Variants in MECOM observed in about 807,000 individuals in gnomAD.
MECOM encodes histone-lysine N-methyltransferase MECOM.
A neutral mutation model predicts 116.3 loss-of-function variants in MECOM; 13 were observed. The ratio of observed to expected loss-of-function variants is 0.11; its 90% confidence interval spans 0.07 to 0.18. The LOEUF is 0.18. MECOM is among the 10% of genes least tolerant of loss of function. The probability of loss-of-function intolerance (pLI) is 1.00; values close to 1 mark genes in which losing one functional copy is unlikely to be tolerated. For synonymous variants in MECOM, 528 were observed against 535.2 expected, an observed-to-expected ratio of 0.99 and a Z score of 0.19; for missense variants, 1,299 against 1,509.0, an observed-to-expected ratio of 0.86 and a Z score of 2.31.
At chr3:169,225,774 T>A (rs924545686) in intron 2 of MECOM, among the ~76,000 whole-genome samples, 6 of 152,288 alleles carry the variant, frequency 3.9e-5, no homozygotes, top group African/African-American at 1.4e-4. Context: ...CACGCCTGGA[T>A]AATTTTTGTA....
At chr3:169,463,647 T>C (rs1199890151) in intron 1 of MECOM, among the ~76,000 whole-genome samples, 1 of 152,202 alleles carries the variant, frequency 6.6e-6, no homozygotes, top group African/African-American at 2.4e-5. Context: ...TGTAGCCATA[T>C]GAGAAATTCT....
Position 169,143,749 on chromosome 3 carries a change from G to A in MECOM, c.459C>T (p.Phe153=), listed in dbSNP as rs199656825. ...GGTTGTGCTGATCATAACAGCCAGC[G>A]AATCTAATGTACTTGAGCCAGCTTC... The part of the protein sequence containing the change: ...DVGSWLKYIR[F]AGCYDQHNLV... Residue 153 remains phenylalanine (F), a synonymous_variant, in exon 3 of 17, where the codon TTC becomes TTT. Coordinates refer to ENST00000651503, the MANE Select transcript of MECOM (RefSeq NM_004991.4). The A allele has an allele frequency of 3.0e-5, 49 of 1,611,122 alleles. No homozygotes were observed. The highest frequency in any genetic ancestry group is 4.0e-5 in the African/African-American group (3 of 74,760).
chr3:169,637,569 C>T (rs1772971371), intron 1 of MECOM, among the ~76,000 whole-genome samples: 2 of 152,148 alleles, frequency 1.3e-5, no homozygotes, highest in African/African-American at 4.8e-5. Flanking sequence ...AAAGATCAAC[C>T]AGAAGAACTG....
chr3:169,190,990 A>C (rs1181631688), intron 2 of MECOM, among the ~76,000 whole-genome samples: 1 of 151,998 alleles, frequency 6.6e-6, no homozygotes, highest in East Asian at 1.9e-4. Context: ...ACCCATAGAA[A>C]GGCTGGCATT....
At chr3:169,163,595 A>ATCT (rs1743154365) in intron 2 of MECOM, among the ~76,000 whole-genome samples, 1 of 152,220 alleles carries the variant, frequency 6.6e-6, no homozygotes, top group African/African-American at 2.4e-5. Flanking sequence ...ACTGAACTCA[A>ATCT]TAAGATTGAG....
At chr3:169,354,968 T>C (rs1393175820) in intron 2 of MECOM, among the ~76,000 whole-genome samples, 3 of 151,886 alleles carry the variant, frequency 2.0e-5, no homozygotes, top group Non-Finnish European at 2.9e-5. Context: ...TGCACAACTC[T>C]ATTTTATTGA....
At chr3:169,219,403 A>C (rs1354352029) in intron 2 of MECOM, among the ~76,000 whole-genome samples, 1 of 152,136 alleles carries the variant, frequency 6.6e-6, no homozygotes, top group Non-Finnish European at 1.5e-5. Context: ...GGTACTCGGG[A>C]GGCTGAGGTA....
intron 2 of MECOM, among the ~76,000 whole-genome samples, chr3:169,356,614 A>C (rs1727327229): frequency 6.6e-6 from 1 of 151,808 alleles, no homozygotes; most frequent in African/African-American, 2.4e-5. Flanking sequence ...GAATCACTAA[A>C]CACTTTTGAG....
intron 1 of MECOM, 31 bp from the exon 2 acceptor site, chr3:169,381,555 T>C: frequency 1.3e-6 from 2 of 1,494,434 alleles, no homozygotes; most frequent in Non-Finnish European, 1.8e-6. Flanking sequence ...CATGAATTCC[T>C]TCTGATATTG....
At chr3:169,366,862 G>T (rs1188267037) in intron 2 of MECOM, among the ~76,000 whole-genome samples, 1 of 152,032 alleles carries the variant, frequency 6.6e-6, no homozygotes, top group Admixed American at 6.6e-5. Context: ...CATCTCCCAT[G>T]GGTCTGTGAC....
chr3:169,199,527 C>T (rs1748883190), intron 2 of MECOM, among the ~76,000 whole-genome samples: 1 of 152,044 alleles, frequency 6.6e-6, no homozygotes, highest in Non-Finnish European at 1.5e-5. Flanking sequence ...GATCCTCCTG[C>T]CTAAGCCTCT....
intron 2 of MECOM, among the ~76,000 whole-genome samples, chr3:169,263,063 T>A (rs1757743917): frequency 7.8e-6 from 1 of 128,098 alleles, no homozygotes; most frequent in African/African-American, 2.8e-5. Context: ...ATTTGTTGCC[T>A]TTTTTTCAAG....
chr3:169,158,956 C>T (rs1320810972), intron 2 of MECOM, among the ~76,000 whole-genome samples: 1 of 152,108 alleles, frequency 6.6e-6, no homozygotes, highest in Non-Finnish European at 1.5e-5. Context: ...TCGAATCACC[C>T]GTACCTAGGA....
intron 2 of MECOM, among the ~76,000 whole-genome samples, chr3:169,265,318 C>T (rs560035433): frequency 2.1e-4 from 32 of 152,236 alleles, no homozygotes; most frequent in East Asian, 5.8e-4. Flanking sequence ...GACAGAGGAC[C>T]GACCTTGCTG....
intron 2 of MECOM, among the ~76,000 whole-genome samples, chr3:169,173,176 C>G (rs1288260021): frequency 1.3e-5 from 2 of 152,138 alleles, no homozygotes; most frequent in Non-Finnish European, 2.9e-5. Context: ...CTTCCTCCTT[C>G]TTGAAATGAT....
chr3:169,386,958 G>T (rs1055948222), intron 1 of MECOM, among the ~76,000 whole-genome samples: 1 of 152,016 alleles, frequency 6.6e-6, no homozygotes, highest in East Asian at 1.9e-4. Flanking sequence ...TTTGCAAATT[G>T]TTCATTGTTT....
chr3:169,419,718 A>G (rs1739379601), intron 1 of MECOM, among the ~76,000 whole-genome samples: 1 of 152,212 alleles, frequency 6.6e-6, no homozygotes, highest in Non-Finnish European at 1.5e-5. Context: ...CATGACTAAA[A>G]CACCAAAAGC....
rs1029077990 is a variant in MECOM, at chr3:169,152,537, C to T, written c.376-8705G>A. Among the ~76,000 whole-genome samples the T allele has an allele frequency of 1.3e-5, 2 of 152,114 alleles. 1 individual carries two copies. Among genetic ancestry groups the T allele is most frequent in the South Asian group, 4.2e-4 (2 of 4,818 alleles). Reference sequence around the variant, plus strand: ...ATGTTTACTCTCCTATTCGGCTCTCCGAGGAGTAGTCCAGCACGCTTCTAA... The same window carrying T: ...ATGTTTACTCTCCTATTCGGCTCTCTGAGGAGTAGTCCAGCACGCTTCTAA... On this transcript the variant is annotated intron_variant, in intron 2 of 16. Transcript: ENST00000651503.
At chr3:169,359,370 T>A (rs919202026) in intron 2 of MECOM, among the ~76,000 whole-genome samples, 2 of 151,686 alleles carry the variant, frequency 1.3e-5, no homozygotes, top group African/African-American at 4.8e-5. Context: ...CAATTGGAGA[T>A]CTATGTTTCT....
Sources: gnomAD v4.1 joint callset for allele counts (sites outside exome capture counted in the v4.1 genomes callset) on GRCh38, gnomAD v4.1.1 for gene constraint, MANE v1.5 for transcripts, NCBI Gene and HGNC (gene_info 2026-07-23, HGNC 2026-07-21) for gene names.